ACTR3C: variants seen among roughly 807,000 people sequenced by gnomAD.
The protein encoded by ACTR3C is actin-related protein 3C.
A neutral mutation model predicts 26.3 loss-of-function variants in ACTR3C; 18 were observed. That is an observed-to-expected ratio of 0.68 (90% CI 0.47 to 1.01). The LOEUF (loss-of-function observed/expected upper bound fraction) is 1.01. Ranked by LOEUF, ACTR3C falls within the 50% of genes least tolerant of loss-of-function variation. ACTR3C has a pLI of 0.00. For synonymous variants in ACTR3C, 55 were observed against 94.5 expected (o/e 0.58, Z 2.42); for missense variants, 184 against 250.7 (o/e 0.73, Z 1.80).
the ACTR3C span, among the ~76,000 whole-genome samples, chr7:149,945,948 G>C: frequency 3.2e-3 from 481 of 152,274 alleles, 5 homozygotes; most frequent in African/African-American, 0.011. Flanking sequence ...GTGTGGAGGA[G>C]GGAGACAGGC....
At chr7:150,088,178 T>A in the ACTR3C span, among the ~76,000 whole-genome samples, 1 of 152,234 alleles carries the variant, frequency 6.6e-6, no homozygotes, top group Non-Finnish European at 1.5e-5. Flanking sequence ...AAGTTTTTAA[T>A]TTCAAAAATG....
chr7:150,147,514 G>A, the ACTR3C span, among the ~76,000 whole-genome samples: 3 of 152,092 alleles, frequency 2.0e-5, no homozygotes, highest in African/African-American at 7.2e-5. Context: ...ACAGTTCAGC[G>A]GTAATAAATG....
intron 1 of ACTR3C, among the ~76,000 whole-genome samples, chr7:150,303,520 C>A (rs1460157551): frequency 6.6e-6 from 1 of 152,214 alleles, no homozygotes; most frequent in African/African-American, 2.4e-5. Context: ...GAATTAAAAT[C>A]TATGTATTTC....
chr7:150,175,487 T>G, the ACTR3C span, among the ~76,000 whole-genome samples: 1 of 149,442 alleles, frequency 6.7e-6, no homozygotes. Context: ...CTGTCTGCTC[T>G]TATAAGAACC....
the ACTR3C span, among the ~76,000 whole-genome samples, chr7:149,883,168 G>A: frequency 6.6e-6 from 1 of 152,218 alleles, no homozygotes; most frequent in Non-Finnish European, 1.5e-5. Flanking sequence ...ACGGCCTTGA[G>A]CTTTTTCAGA....
the ACTR3C span, among the ~76,000 whole-genome samples, chr7:150,159,357 C>T: frequency 1.3e-5 from 2 of 152,130 alleles, no homozygotes; most frequent in Admixed American, 1.3e-4. Context: ...CTTCATCCCT[C>T]CCCCACAGCT....
chr7:150,023,338 C>CATACATACATACCTAG, the ACTR3C span, among the ~76,000 whole-genome samples: 1 of 46,056 alleles, frequency 2.2e-5, no homozygotes. Context: ...TACATACATA[C>CATACATACATACCTAG]ATATATATTT....
At chr7:150,003,642 G>T in the ACTR3C span, among the ~76,000 whole-genome samples, 1 of 152,114 alleles carries the variant, frequency 6.6e-6, no homozygotes, top group Non-Finnish European at 1.5e-5. Context: ...TGTGTAATGC[G>T]TGTGGGGTTT....
At chr7:149,886,789 C>T in the ACTR3C span, among the ~76,000 whole-genome samples, 1 of 152,020 alleles carries the variant, frequency 6.6e-6, no homozygotes, top group Non-Finnish European at 1.5e-5. Context: ...AACCCTGTCT[C>T]CACTAAAAAT....
At chr7:149,907,213 C>T in the ACTR3C span, among the ~76,000 whole-genome samples, 25 of 88,188 alleles carry the variant, frequency 2.8e-4, no homozygotes, top group Admixed American at 2.1e-3. Context: ...CACCTCCTGG[C>T]GCTCTCCCCA....
the ACTR3C span, among the ~76,000 whole-genome samples, chr7:150,038,837 G>T: frequency 7.3e-6 from 1 of 137,792 alleles, no homozygotes; most frequent in African/African-American, 2.9e-5. Flanking sequence ...GGTCCTAAGA[G>T]CCAGTGGGGG....
At chr7:150,056,030 C>T in the ACTR3C span, among the ~76,000 whole-genome samples, 4 of 152,170 alleles carry the variant, frequency 2.6e-5, no homozygotes, top group African/African-American at 9.7e-5. Context: ...TTTTATTTTT[C>T]ACCATCACTT....
intron 6 of ACTR3C, among the ~76,000 whole-genome samples, chr7:150,271,196 A>C (rs1175303710): frequency 7.3e-6 from 1 of 136,664 alleles, no homozygotes; most frequent in Non-Finnish European, 1.5e-5. Flanking sequence ...TACTTTTTAA[A>C]TTATTATTAT....
chr7:150,056,113 G>C, the ACTR3C span, among the ~76,000 whole-genome samples: 2 of 152,144 alleles, frequency 1.3e-5, no homozygotes, highest in African/African-American at 2.4e-5. Flanking sequence ...TGCTACTTTA[G>C]GTAGATCGGT....
the ACTR3C span, among the ~76,000 whole-genome samples, chr7:149,904,258 G>A: frequency 9.1e-3 from 1,362 of 149,838 alleles, 30 homozygotes; most frequent in African/African-American, 0.031. Flanking sequence ...AAGGCCAGGC[G>A]CAGTGGCTCA....
chr7:149,901,140 T>A, the ACTR3C span, among the ~76,000 whole-genome samples: 1 of 151,816 alleles, frequency 6.6e-6, no homozygotes, highest in Non-Finnish European at 1.5e-5. Flanking sequence ...ACATATATTA[T>A]GCAGATGATA....
chr7:150,015,933 A>G, the ACTR3C span, among the ~76,000 whole-genome samples: 160 of 152,282 alleles, frequency 1.1e-3, no homozygotes, highest in African/African-American at 3.4e-3. Context: ...CGCTAATAGG[A>G]TGATGTTATG....
Position 150,293,356 on chromosome 7 carries a change from T to C in ACTR3C, c.109A>G (p.Ile37Val), listed in dbSNP as rs761016703. Reference sequence around the variant, plus strand: ...ACTCCATCTCCGCTGTCAATGACTATCCCCGTTAATGTACGTTCACCCACT... The same window carrying C: ...ACTCCATCTCCGCTGTCAATGACTACCCCCGTTAATGTACGTTCACCCACT... ...RQVGERTLTGIVIDSGDGVTH... is the reference protein window; with the variant it reads ...RQVGERTLTGVVIDSGDGVTH... The change falls in exon 3 of 8, where the codon ATA becomes GTA. Residue 37 changes from isoleucine (I) to valine (V), a missense_variant. Transcript: ENST00000683684. The C allele has an allele frequency of 6.2e-7, 1 of 1,607,072 alleles. No individual in the cohort carries two copies. Among genetic ancestry groups the C allele is most frequent in the Non-Finnish European group, 8.5e-7 (1 of 1,176,236 alleles).
At chr7:150,101,317 T>C in the ACTR3C span, among the ~76,000 whole-genome samples, 1 of 151,640 alleles carries the variant, frequency 6.6e-6, no homozygotes, top group South Asian at 2.1e-4. Context: ...AGTCAACAAT[T>C]CTAGATATCA....
Sources: allele counts gnomAD v4.1 joint callset (sites outside exome capture counted in the v4.1 genomes callset), GRCh38; gene constraint gnomAD v4.1.1; transcripts MANE v1.5; gene names NCBI Gene and HGNC (gene_info 2026-07-23, HGNC 2026-07-21).